The following FSAF1 variants were observed in gnomAD, a reference collection of about 807,000 sequenced individuals.
The protein encoded by FSAF1 is uncharacterized protein C1orf131.
chr1:231,230,225 T>C, the FSAF1 span, among the ~76,000 whole-genome samples: 1 of 152,098 alleles, frequency 6.6e-6, no homozygotes, highest in Non-Finnish European at 1.5e-5. Context: ...GAGCACTGCC[T>C]GAATCTCACA....
At chr1:231,225,690 A>G in the FSAF1 span, 1 of 660,158 alleles carries the variant, frequency 1.5e-6, no homozygotes, top group Non-Finnish European at 2.6e-6. Flanking sequence ...AAACCCTTTC[A>G]AGAATGTGAA....
At chr1:231,229,067 AAATTT>A in the FSAF1 span, 1 of 824,628 alleles carries the variant, frequency 1.2e-6, no homozygotes, top group Non-Finnish European at 1.9e-6. Flanking sequence ...AACTTATAAT[AAATTT>A]AATATAAACA....
the FSAF1 span, among the ~76,000 whole-genome samples, chr1:231,229,970 C>T: frequency 1.3e-5 from 2 of 152,076 alleles, no homozygotes; most frequent in South Asian, 2.1e-4. Context: ...CTGAACTGCA[C>T]ACTTAAAAAT....
chr1:231,224,641 T>C, the FSAF1 span: 1 of 488,572 alleles, frequency 2.0e-6, no homozygotes, highest in Non-Finnish European at 3.6e-6. Context: ...CTACCAGCTC[T>C]TTCCAGGCTG....
At chr1:231,224,228 C>A in the FSAF1 span, 1 of 1,570,946 alleles carries the variant, frequency 6.4e-7, no homozygotes, top group Non-Finnish European at 8.6e-7. Context: ...GGTCCAGGGC[C>A]GCTGCAGTTG....
At chr1:231,229,107 ATAAAGT>A in the FSAF1 span, 1 of 1,186,104 alleles carries the variant, frequency 8.4e-7, no homozygotes, top group African/African-American at 1.5e-5. Context: ...AATACTGTAA[ATAAAGT>A]TAATTATAAA....
chr1:231,231,185 G>T, the FSAF1 span, among the ~76,000 whole-genome samples: 10 of 152,178 alleles, frequency 6.6e-5, no homozygotes, highest in Admixed American at 3.3e-4. Context: ...GAGACCACAG[G>T]CATAGCACGG....
At chr1:231,235,856 A>G in the FSAF1 span, among the ~76,000 whole-genome samples, 1 of 152,232 alleles carries the variant, frequency 6.6e-6, no homozygotes, top group Non-Finnish European at 1.5e-5. Flanking sequence ...TGACCCCATG[A>G]AAACCTGCTT....
chr1:231,237,311 A>C, the FSAF1 span: 1 of 152,290 alleles, frequency 6.6e-6, no homozygotes, highest in Non-Finnish European at 1.5e-5. Flanking sequence ...ACATTCATAA[A>C]GAACAATGCA....
chr1:231,232,946 A>G, the FSAF1 span, among the ~76,000 whole-genome samples: 3 of 152,350 alleles, frequency 2.0e-5, no homozygotes, highest in East Asian at 5.8e-4. Context: ...ATGAATATTA[A>G]GAAGTTTGTT....
At chr1:231,224,369 C>T in the FSAF1 span, 2 of 1,612,944 alleles carry the variant, frequency 1.2e-6, no homozygotes, top group Non-Finnish European at 1.7e-6. Context: ...CCTGTCCAAT[C>T]CGTCCATTTG....
At chr1:231,231,901 C>T in the FSAF1 span, among the ~76,000 whole-genome samples, 5 of 152,148 alleles carry the variant, frequency 3.3e-5, no homozygotes, top group African/African-American at 1.2e-4. Context: ...TTGGTGGTAG[C>T]TCTGGCACAG....
chr1:231,232,247 C>A, the FSAF1 span, among the ~76,000 whole-genome samples: 1 of 152,162 alleles, frequency 6.6e-6, no homozygotes, highest in Non-Finnish European at 1.5e-5. Flanking sequence ...GCATTACTGC[C>A]CATAGGCAAT....
chr1:231,226,313 G>A, the FSAF1 span: 4 of 190,970 alleles, frequency 2.1e-5, no homozygotes, highest in Non-Finnish European at 4.4e-5. Context: ...TTCATGTCTC[G>A]CTCTTGCCAT....
the FSAF1 span, among the ~76,000 whole-genome samples, chr1:231,231,847 C>T: frequency 1.3e-5 from 2 of 152,156 alleles, no homozygotes; most frequent in African/African-American, 4.8e-5. Context: ...TGTGGGGACA[C>T]CAGGGCTGAG....
the FSAF1 span, chr1:231,227,212 AG>A: frequency 4.7e-6 from 4 of 847,052 alleles, no homozygotes; most frequent in Non-Finnish European, 7.5e-6. Flanking sequence ...ATGTGGTCAA[AG>A]GAGCTCTATG....
chr1:231,227,396 C>T, the FSAF1 span, among the ~76,000 whole-genome samples: 2 of 152,008 alleles, frequency 1.3e-5, no homozygotes, highest in African/African-American at 4.8e-5. Flanking sequence ...CTCAGCCTCC[C>T]GAGTAGCTAG....
the FSAF1 span, among the ~76,000 whole-genome samples, chr1:231,232,954 G>A: frequency 8.8e-4 from 134 of 152,246 alleles, no homozygotes; most frequent in African/African-American, 3.1e-3. Flanking sequence ...TAAGAAGTTT[G>A]TTCACACCTT....
At chr1:231,224,159 A>G in the FSAF1 span, 1 of 1,204,260 alleles carries the variant, frequency 8.3e-7, no homozygotes, top group African/African-American at 1.5e-5. Flanking sequence ...CTTTTTTTCT[A>G]AAATGAAAAA....
Sources: gnomAD v4.1 joint callset for allele counts (sites outside exome capture counted in the v4.1 genomes callset) on GRCh38, gnomAD v4.1.1 for gene constraint, MANE v1.5 for transcripts, NCBI Gene and HGNC (gene_info 2026-07-23, HGNC 2026-07-21) for gene names.